Variants in VIPAS39 observed in about 807,000 individuals in gnomAD.
VIPAS39 encodes the protein spermatogenesis-defective protein 39 homolog.
Under a neutral mutation model 84.7 loss-of-function variants are expected in VIPAS39, and 63 were observed. That is an observed-to-expected ratio of 0.74 (90% CI 0.61 to 0.92). The LOEUF (loss-of-function observed/expected upper bound fraction) is 0.92. Among genes scored for constraint, VIPAS39 ranks in the 40% least tolerant of loss-of-function variants. The probability of loss-of-function intolerance (pLI) is 0.00; values close to 1 mark genes in which losing one functional copy is unlikely to be tolerated. For missense variants in VIPAS39, 499 were observed against 604.5 expected (o/e 0.83, Z 1.83); for synonymous variants, 192 against 216.5 (o/e 0.89, Z 0.99).
In VIPAS39 at chr14:77,448,477, A is replaced by C; in HGVS notation, c.504+17T>G. ...CCCAGCTTCCCAAAGAACCTCACAA[A>C]AATTCTCTGTCCTTACCTTGCCCTT... On this transcript the variant is annotated intron_variant, in intron 7 of 19. Transcript: ENST00000557658. The C allele has an allele frequency of 6.2e-7, 1 of 1,614,062 alleles. No individual in the cohort carries two copies. Among genetic ancestry groups the C allele is most frequent in the South Asian group, 1.1e-5 (1 of 91,082 alleles).
chr14:77,429,235 AG>A, intron 17 of VIPAS39, 140 bp from the exon 18 acceptor site: 2 of 737,648 alleles, frequency 2.7e-6, no homozygotes, highest in East Asian at 5.6e-5. Flanking sequence ...CCACAGGACT[AG>A]TTCTGCAATG....
intron 17 of VIPAS39, 70 bp downstream of exon 17, chr14:77,429,611 T>C (rs2078487859): frequency 6.7e-7 from 1 of 1,495,674 alleles, no homozygotes; most frequent in East Asian, 2.3e-5. Flanking sequence ...CTCCCATCAC[T>C]GACCAGTAAG....
chr14:77,452,779 CAAAAAAAAAA>C (rs11418833), intron 3 of VIPAS39, among the ~76,000 whole-genome samples: 1 of 106,814 alleles, frequency 9.4e-6, no homozygotes, highest in Non-Finnish European at 1.8e-5. Flanking sequence ...GACTCCATCT[CAAAAAAAAAA>C]AAAAAAAAAA....
intron 17 of VIPAS39, 78 bp downstream of exon 17, chr14:77,429,603 C>A: frequency 7.0e-7 from 1 of 1,428,656 alleles, no homozygotes. Context: ...GATCGGGTCT[C>A]CCATCACTGA....
At chr14:77,442,849 A>G (rs1361686329) in intron 9 of VIPAS39, among the ~76,000 whole-genome samples, 187 bp from the exon 10 acceptor site, 3 of 152,134 alleles carry the variant, frequency 2.0e-5, no homozygotes, top group Admixed American at 6.5e-5. Flanking sequence ...TCAGCTTTTC[A>G]TTTCACACCA....
chr14:77,442,966 G>C (rs1041966488), intron 9 of VIPAS39, among the ~76,000 whole-genome samples, 153 bp downstream of exon 9: 3 of 152,124 alleles, frequency 2.0e-5, no homozygotes, highest in African/African-American at 4.8e-5. Flanking sequence ...GACGCCCTCA[G>C]AGATGTGATT....
chr14:77,448,151 T>C (rs1347130552), intron 7 of VIPAS39, among the ~76,000 whole-genome samples: 7 of 151,828 alleles, frequency 4.6e-5, no homozygotes, highest in African/African-American at 1.7e-4. Flanking sequence ...AGATGGGGTT[T>C]CACCATGTTG....
chr14:77,432,090 A>G (rs2078532182), intron 16 of VIPAS39, among the ~76,000 whole-genome samples: 1 of 152,186 alleles, frequency 6.6e-6, no homozygotes, highest in Admixed American at 6.5e-5. Flanking sequence ...GAGTTTTGCT[A>G]AATGAGTAGA....
rs11388351 is a variant in VIPAS39, at chr14:77,440,885, A to AT, written c.762+180dup. On this transcript the variant is annotated intron_variant, in intron 11 of 19. Coordinates refer to ENST00000557658, the MANE Select transcript of VIPAS39 (RefSeq NM_001193315.2). The stretch of plus-strand genomic sequence containing the variant: ...AGGTGCGTGCCACCACACCCAGCTA[A>AT]TTTTGTATTTTTAGTAGAGACAGGG... 0.96 allele frequency among the ~76,000 whole-genome samples: 145,687 copies of AT among 151,564 alleles called. 70,286 individuals are homozygous for AT. The highest frequency in any genetic ancestry group is 1 in the East Asian group (5,154 of 5,154).
chr14:77,449,612 A>T (rs192575826), intron 5 of VIPAS39, 102 bp downstream of exon 5: 2 of 1,481,316 alleles, frequency 1.4e-6, no homozygotes, highest in South Asian at 2.3e-5. Context: ...TGCAGAAGAA[A>T]GTTCATCTTG....
intron 7 of VIPAS39, among the ~76,000 whole-genome samples, chr14:77,444,731 C>T (rs2078759332): frequency 6.6e-6 from 1 of 151,898 alleles, no homozygotes; most frequent in South Asian, 2.1e-4. Flanking sequence ...CGCCACCATG[C>T]CCGGCTAATT....
rs2091916 is a variant in VIPAS39 at position 77,448,409 on chromosome 14, A to G, written c.504+85T>C. The G allele has an allele frequency of 0.51, 651,705 of 1,275,492 alleles. 176,873 individuals carry two copies. Among genetic ancestry groups the G allele is most frequent in the East Asian group, 0.94 (40,588 of 43,276 alleles). The allele number at this position is 1,275,492 out of a possible 1,614,324, so 79.0% of individuals were successfully genotyped here. A position where few individuals can be genotyped will look rare whatever the true frequency, so the allele number is the denominator to read the frequency against. ...CCCTGAAATTCATTGAACAAATGAGAACTGAAGAGAGGTCAAGAAATCTTC... is the reference window on the plus strand; with the variant it reads ...CCCTGAAATTCATTGAACAAATGAGGACTGAAGAGAGGTCAAGAAATCTTC... On this transcript the variant is annotated intron_variant, in intron 7 of 19. Coordinates refer to ENST00000557658, the MANE Select transcript of VIPAS39 (RefSeq NM_001193315.2).
chr14:77,447,620 C>T (rs889960932), intron 7 of VIPAS39, among the ~76,000 whole-genome samples: 1 of 152,176 alleles, frequency 6.6e-6, no homozygotes, highest in African/African-American at 2.4e-5. Context: ...CAAAAATGAA[C>T]TCAATGAATC....
At chr14:77,447,098 A>T (rs990369974) in intron 7 of VIPAS39, among the ~76,000 whole-genome samples, 1 of 150,112 alleles carries the variant, frequency 6.7e-6, no homozygotes, top group African/African-American at 2.5e-5. Flanking sequence ...CTGGAGTGCA[A>T]TTGCACAATC....
chr14:77,444,211 C>T, intron 8 of VIPAS39, 38 bp downstream of exon 8: 2 of 1,588,310 alleles, frequency 1.3e-6, no homozygotes, highest in Non-Finnish European at 8.6e-7. Context: ...CTAGTGAAAA[C>T]AATAATTAAA....
At chr14:77,448,845 G>A (rs1005380695) in intron 6 of VIPAS39, among the ~76,000 whole-genome samples, 2 of 152,144 alleles carry the variant, frequency 1.3e-5, no homozygotes, top group Non-Finnish European at 2.9e-5. Context: ...TTAGAATCAC[G>A]TTTTAGGATT....
chr14:77,432,984 T>G (rs140866043), intron 16 of VIPAS39, among the ~76,000 whole-genome samples: 2 of 152,254 alleles, frequency 1.3e-5, no homozygotes, highest in African/African-American at 4.8e-5. Context: ...CAAAACATTA[T>G]GTTGTACCTT....
Position 77,456,846 on chromosome 14 carries a change from G to A in VIPAS39, c.-1+649C>T, listed in dbSNP as rs144211017. 1.4e-3 allele frequency among the ~76,000 whole-genome samples: 215 copies of A among 152,324 alleles called. 1 individual carries two copies. Among genetic ancestry groups the A allele is most frequent in the African/African-American group, 4.9e-3 (204 of 41,568 alleles). On this transcript the variant is annotated intron_variant, in intron 1 of 19. Transcript: ENST00000557658. ...AAGCTAGGTTTACTTGGCAAGTATA[G>A]ATAATGATCTAGTGGCTCTAGAGTT... is the stretch of plus-strand genomic sequence containing the variant.
intron 11 of VIPAS39, among the ~76,000 whole-genome samples, chr14:77,438,274 G>A (rs1323919081): frequency 1.3e-5 from 2 of 150,260 alleles, no homozygotes; most frequent in Non-Finnish European, 2.9e-5. Flanking sequence ...TGTTGCCCAG[G>A]CTGGAGTGCA....
Sources: gnomAD v4.1 joint callset for allele counts (sites outside exome capture counted in the v4.1 genomes callset) on GRCh38, gnomAD v4.1.1 for gene constraint, MANE v1.5 for transcripts, NCBI Gene and HGNC (gene_info 2026-07-23, HGNC 2026-07-21) for gene names.